Variants in MME observed in about 807,000 individuals in gnomAD.
The protein encoded by MME is neprilysin.
A neutral mutation model predicts 113.2 loss-of-function variants in MME; 98 were observed. The observed-to-expected ratio is 0.87, with a 90% CI of 0.74 to 1.02. MME has a LOEUF of 1.02. Ranked by LOEUF, MME falls within the 50% of genes least tolerant of loss-of-function variation. The probability of loss-of-function intolerance (pLI) is 0.00; values close to 1 mark genes in which losing one functional copy is unlikely to be tolerated. For missense variants in MME, 836 were observed against 896.0 expected (o/e 0.93, Z 0.86); for synonymous variants, 292 against 300.6 (o/e 0.97, Z 0.30).
intron 8 of MME, among the ~76,000 whole-genome samples, chr3:155,123,750 A>T: frequency 1.8e-5 from 1 of 56,482 alleles, no homozygotes; most frequent in African/African-American, 6.3e-5. Flanking sequence ...ACTGGCCCCC[A>T]CTCTCTTCTG....
intron 16 of MME, among the ~76,000 whole-genome samples, chr3:155,149,665 G>T (rs999474681): frequency 2.6e-5 from 4 of 151,782 alleles, no homozygotes; most frequent in South Asian, 2.1e-4. Context: ...GGGAAATGTC[G>T]TGCCAAGCAA....
At chr3:155,143,219 A>C (rs1451083609) in intron 12 of MME, among the ~76,000 whole-genome samples, 1 of 152,210 alleles carries the variant, frequency 6.6e-6, no homozygotes, top group Non-Finnish European at 1.5e-5. Context: ...AATAGCAAAA[A>C]GTTCTACTGG....
At position 155,114,982 on chromosome 3, in the gene MME, C is replaced by T. The variant is rs1484548396; in HGVS notation, c.197-12C>T. The T allele has an allele frequency of 1.2e-6, 2 of 1,613,874 alleles. No homozygotes were observed. Among genetic ancestry groups the T allele is most frequent in the African/African-American group, 2.7e-5 (2 of 75,022 alleles). Reference sequence around the variant, plus strand: ...CCCATCATTTTATCTAGTGTTTTCTCTGCTCTTGCAGCTGCTCGACTGATC... The same window carrying T: ...CCCATCATTTTATCTAGTGTTTTCTTTGCTCTTGCAGCTGCTCGACTGATC... On this transcript the variant is annotated splice_polypyrimidine_tract_variant and intron_variant, in intron 3 of 22. Coordinates refer to ENST00000360490, the MANE Select transcript of MME (RefSeq NM_007289.4).
intron 8 of MME, among the ~76,000 whole-genome samples, chr3:155,132,536 T>G (rs943765026): frequency 6.6e-6 from 1 of 152,152 alleles, no homozygotes; most frequent in Admixed American, 6.5e-5. Context: ...CTTACAATTT[T>G]TTTTTTAAGA....
At chr3:155,114,074 A>G (rs577162182) in intron 3 of MME, among the ~76,000 whole-genome samples, 1 of 152,294 alleles carries the variant, frequency 6.6e-6, no homozygotes, top group East Asian at 1.9e-4. Context: ...AAAGTGAAGT[A>G]TTTTCAAAAG....
chr3:155,133,039 TA>T (rs796968290), intron 8 of MME, among the ~76,000 whole-genome samples: 4,392 of 47,760 alleles, frequency 0.092, 160 homozygotes, highest in South Asian at 0.2. Flanking sequence ...AAACCCCGTC[TA>T]AAAAAAAAAA....
At chr3:155,101,552 C>G (rs1717224729) in intron 3 of MME, among the ~76,000 whole-genome samples, 1 of 152,160 alleles carries the variant, frequency 6.6e-6, no homozygotes, top group Admixed American at 6.5e-5. Context: ...ATAGGGATTT[C>G]ACTCCTGGCT....
rs897178924 is a variant in MME, at chr3:155,071,777, T to G, written c.-10-12381T>G. ...TGGATTCTTTCTACTTTACTTTCAA[T>G]ATGAAAAAGTCGCTAAGTCCTATGG... On this transcript the variant is annotated intron_variant, in intron 1 of 22. Coordinates refer to the MME transcript ENST00000492661. Among the ~76,000 whole-genome samples the G allele has an allele frequency of 6.6e-5, 10 of 152,218 alleles. 1 individual carries two copies. Among genetic ancestry groups the G allele is most frequent in the Non-Finnish European group, 7.3e-5 (5 of 68,036 alleles).
At chr3:155,155,813 G>T (rs1210564620) in intron 16 of MME, among the ~76,000 whole-genome samples, 1 of 152,164 alleles carries the variant, frequency 6.6e-6, no homozygotes, top group Admixed American at 6.5e-5. Flanking sequence ...GAATCTCTCC[G>T]AAATAAAGCA....
chr3:155,129,936 T>C (rs932901452), intron 8 of MME, among the ~76,000 whole-genome samples: 1 of 152,218 alleles, frequency 6.6e-6, no homozygotes, highest in African/African-American at 2.4e-5. Flanking sequence ...CTGAGAGAAA[T>C]GAGGACCTTA....
chr3:155,057,338 A>T (rs1168550438), intron 1 of MME, among the ~76,000 whole-genome samples: 1 of 151,766 alleles, frequency 6.6e-6, no homozygotes, highest in Non-Finnish European at 1.5e-5. Flanking sequence ...CAAAAAACAC[A>T]TGAAAAAATG....
At chr3:155,119,351 C>G (rs1718900116) in intron 8 of MME, among the ~76,000 whole-genome samples, 1 of 150,838 alleles carries the variant, frequency 6.6e-6, no homozygotes, top group South Asian at 2.1e-4. Flanking sequence ...TTTGGATGTT[C>G]TGGAGTGCTT....
chr3:155,100,937 A>G (rs1350522464), intron 3 of MME, among the ~76,000 whole-genome samples: 2 of 152,172 alleles, frequency 1.3e-5, no homozygotes, highest in Non-Finnish European at 2.9e-5. Flanking sequence ...CCCAAATCTC[A>G]TGTTGAATTA....
chr3:155,108,424 C>T (rs1466501310), intron 3 of MME, among the ~76,000 whole-genome samples: 3 of 151,896 alleles, frequency 2.0e-5, no homozygotes, highest in East Asian at 1.9e-4. Context: ...GGGGAAACCC[C>T]GTCTCTACTG....
intron 3 of MME, among the ~76,000 whole-genome samples, chr3:155,109,939 A>G (rs552473065): frequency 6.6e-6 from 1 of 152,336 alleles, no homozygotes; most frequent in South Asian, 2.1e-4. Context: ...GAGTGCATCC[A>G]CCTAGCGTGG....
At chr3:155,027,673 A>G (rs973219698) in intron 1 of MME, among the ~76,000 whole-genome samples, 1 of 152,246 alleles carries the variant, frequency 6.6e-6, no homozygotes, top group Admixed American at 6.5e-5. Context: ...ATCCCTTAAC[A>G]GTAGGCTTAG....
chr3:155,113,874 T>C (rs752379410), intron 3 of MME, among the ~76,000 whole-genome samples: 3 of 152,072 alleles, frequency 2.0e-5, no homozygotes, highest in African/African-American at 4.8e-5. Flanking sequence ...AGATGACTGG[T>C]TTGGTAACAG....
chr3:155,097,342 A>G (rs1716824261), intron 3 of MME, among the ~76,000 whole-genome samples: 1 of 152,178 alleles, frequency 6.6e-6, no homozygotes, highest in South Asian at 2.1e-4. Context: ...TGAGAAGAGG[A>G]AGAAACTCCA....
intron 8 of MME, among the ~76,000 whole-genome samples, chr3:155,133,756 G>A (rs1318347057): frequency 2.8e-5 from 4 of 143,970 alleles, no homozygotes; most frequent in African/African-American, 1.0e-4. Flanking sequence ...ATATATATAT[G>A]TGTATATATA....
Sources: allele counts gnomAD v4.1 joint callset (sites outside exome capture counted in the v4.1 genomes callset), GRCh38; gene constraint gnomAD v4.1.1; transcripts MANE v1.5; gene names NCBI Gene and HGNC (gene_info 2026-07-23, HGNC 2026-07-21).